ALK: variants seen among roughly 807,000 people sequenced by gnomAD.
ALK encodes the protein ALK tyrosine kinase receptor.
A neutral mutation model predicts 163.1 loss-of-function variants in ALK; 74 were observed. The ratio of observed to expected loss-of-function variants is 0.45; its 90% CI spans 0.38 to 0.55. ALK has a LOEUF of 0.55. ALK is among the 20% of genes least tolerant of loss of function. The pLI, the probability that ALK is intolerant of heterozygous loss-of-function variation, is 0.00. For missense variants in ALK, 2,063 were observed against 2,105.3 expected, an observed-to-expected ratio of 0.98 and a Z score of 0.39; for synonymous variants, 960 against 843.2, an observed-to-expected ratio of 1.14 and a Z score of -2.40.
chr2:29,642,495 G>A (rs1477943160), intron 3 of ALK, among the ~76,000 whole-genome samples: 1 of 152,126 alleles, frequency 6.6e-6, no homozygotes, highest in African/African-American at 2.4e-5. Flanking sequence ...AAAAAAGGAA[G>A]CACTAAAATC....
At chr2:29,809,866 C>T (rs957180661) in intron 1 of ALK, among the ~76,000 whole-genome samples, 15 of 152,204 alleles carry the variant, frequency 9.9e-5, no homozygotes, top group Non-Finnish European at 2.2e-4. Context: ...TGAGAAAGGA[C>T]TTGTCTATCT....
intron 1 of ALK, among the ~76,000 whole-genome samples, chr2:29,863,508 TA>T (rs1666348201): frequency 6.6e-6 from 1 of 150,808 alleles, no homozygotes; most frequent in African/African-American, 2.4e-5. Flanking sequence ...CCAATAAGAA[TA>T]TTTTTTTTTA....
intron 25 of ALK, chr2:29,207,945 C>G (rs1017750869): frequency 2.4e-6 from 1 of 415,620 alleles, no homozygotes; most frequent in Non-Finnish European, 5.1e-6. Context: ...CTGGTGTTCT[C>G]CTGTGTGAGT....
In ALK at chr2:29,849,069, C is replaced by T. The variant is rs1245161450; in HGVS notation, c.667+70924G>A. ...TACACATCTCCATGCACACCAGGAG[C>T]GTCCTCGAGCTGCCCCCCATCTCAC... On this transcript the variant is annotated intron_variant, in intron 1 of 28. Coordinates refer to ENST00000389048, the MANE Select transcript of ALK (RefSeq NM_004304.5). Among the ~76,000 whole-genome samples, 3 of 152,160 alleles carry T rather than the reference C, an allele frequency of 2.0e-5. No individual in the cohort carries two copies. The East Asian group carries it at 5.8e-4, about 29-fold the overall frequency.
intron 7 of ALK, among the ~76,000 whole-genome samples, chr2:29,320,453 G>A (rs749144712): frequency 2.6e-5 from 4 of 152,212 alleles, no homozygotes; most frequent in South Asian, 2.1e-4. Context: ...CACATAGGAC[G>A]CCCTCAGCAC....
chr2:29,592,748 T>G (rs747807794), intron 3 of ALK, among the ~76,000 whole-genome samples: 70 of 152,104 alleles, frequency 4.6e-4, no homozygotes, highest in Admixed American at 1.4e-3. Context: ...CAGATGTAAT[T>G]AAGCTTACAT....
At chr2:29,644,090 C>A (rs1325411660) in intron 3 of ALK, among the ~76,000 whole-genome samples, 1 of 152,020 alleles carries the variant, frequency 6.6e-6, no homozygotes, top group Non-Finnish European at 1.5e-5. Flanking sequence ...GAGTTCACGT[C>A]CTTTGTAGGG....
chr2:29,793,593 C>T (rs1664238233), intron 1 of ALK, among the ~76,000 whole-genome samples: 1 of 152,070 alleles, frequency 6.6e-6, no homozygotes, highest in African/African-American at 2.4e-5. Context: ...AAAATTAGTC[C>T]ACTATCCATG....
intron 5 of ALK, among the ~76,000 whole-genome samples, chr2:29,352,183 T>G (rs1528426): frequency 0.91 from 139,114 of 152,288 alleles, 63,595 homozygotes; most frequent in East Asian, 1. Flanking sequence ...CCCTCACTGC[T>G]AAACTGGTGA....
chr2:29,197,606 C>A lies in ALK; in HGVS notation c.4009G>T (p.Glu1337Ter), dbSNP rs1471521598. 1.2e-6 allele frequency: 2 copies of A among 1,613,988 alleles called. No homozygotes were observed. The highest frequency in any genetic ancestry group is 1.7e-6 in the Non-Finnish European group (2 of 1,180,028). The stretch of plus-strand genomic sequence containing the variant: ...CCACTGGTGACAAACTCCAGAACTT[C>A]CTGGTTGCTTTTGCTGGGGTATGGC... ...YMPYPSKSNQEVLEFVTSGGR... is the reference protein window; with the variant it reads ...YMPYPSKSNQ The change falls in exon 27 of 29, where the codon GAA (glutamate) becomes TAA (stop). Residue 1337 changes from glutamate to a stop codon, truncating the protein, a stop_gained. Coordinates refer to ENST00000389048, the MANE Select transcript of ALK (RefSeq NM_004304.5). LOFTEE classifies it high-confidence loss of function.
intron 1 of ALK, among the ~76,000 whole-genome samples, chr2:29,767,474 G>A (rs1393345680): frequency 6.6e-6 from 1 of 152,200 alleles, no homozygotes; most frequent in African/African-American, 2.4e-5. Flanking sequence ...AACCAGGATG[G>A]CTGGTCATCC....
At chr2:29,594,444 T>A (rs921438866) in intron 3 of ALK, among the ~76,000 whole-genome samples, 3 of 151,232 alleles carry the variant, frequency 2.0e-5, no homozygotes, top group African/African-American at 7.3e-5. Flanking sequence ...TTTTTTTTTT[T>A]TTGAGATGGA....
At chr2:29,440,206 C>A (rs1670502047) in intron 4 of ALK, among the ~76,000 whole-genome samples, 1 of 151,960 alleles carries the variant, frequency 6.6e-6, no homozygotes, top group Admixed American at 6.6e-5. Context: ...TGCACTCCAG[C>A]CTGGGTGACA....
At chr2:29,530,002 T>C (rs1390936295) in intron 4 of ALK, among the ~76,000 whole-genome samples, 1 of 150,784 alleles carries the variant, frequency 6.6e-6, no homozygotes. Context: ...CTGAAGGCAC[T>C]GACATGGCAA....
intron 9 of ALK, among the ~76,000 whole-genome samples, chr2:29,276,365 A>G (rs1665547285): frequency 6.6e-6 from 1 of 152,212 alleles, no homozygotes; most frequent in African/African-American, 2.4e-5. Flanking sequence ...GGAAGGCCTT[A>G]CAGTGACATA....
intron 8 of ALK, among the ~76,000 whole-genome samples, chr2:29,307,073 A>G (rs559698667): frequency 2.8e-4 from 43 of 152,346 alleles, no homozygotes; most frequent in African/African-American, 7.9e-4. Context: ...TATTTCTCTC[A>G]TGGCCCATTC....
In ALK at chr2:29,920,348, C is replaced by G; in HGVS notation, c.312G>C (p.Pro104=). Residue 104 remains proline (P), a synonymous_variant, in exon 1 of 29, where the codon CCG becomes CCC. Transcript: ENST00000389048. ...CGGCGGTCCAGGAGACCCCCGGCGC[C>G]GGCCCCAGCAACCTGAGCAGCGGGG... ...DCAPLLRLLG[P]APGVSWTAGS... The G allele has an allele frequency of 6.4e-7, 1 of 1,551,886 alleles. No homozygotes were observed. The highest frequency in any genetic ancestry group is 8.7e-7 in the Non-Finnish European group (1 of 1,148,882).
chr2:29,519,080 A>C (rs1421847210), intron 4 of ALK, among the ~76,000 whole-genome samples: 1 of 152,230 alleles, frequency 6.6e-6, no homozygotes, highest in African/African-American at 2.4e-5. Flanking sequence ...TTTGTGTATA[A>C]AACACAAGAG....
In ALK at chr2:29,917,508, T is replaced by C. The variant is rs181745430; in HGVS notation, c.667+2485A>G. Among the ~76,000 whole-genome samples the C allele has an allele frequency of 2.6e-5, 4 of 152,324 alleles. No individual in the cohort carries two copies. The East Asian group carries it at 7.7e-4, about 29-fold the overall frequency. ...ATAGGGAAAATGAACGGAACCATAA[T>C]GATACATGTTGTCTGAAACACAGAA... On this transcript the variant is annotated intron_variant, in intron 1 of 28. Transcript: ENST00000389048.
Sources: allele counts gnomAD v4.1 joint callset (sites outside exome capture counted in the v4.1 genomes callset), GRCh38; gene constraint gnomAD v4.1.1; transcripts MANE v1.5; gene names NCBI Gene and HGNC (gene_info 2026-07-23, HGNC 2026-07-21).